RABGGTA: variants seen among roughly 807,000 people sequenced by gnomAD.
The protein encoded by RABGGTA is geranylgeranyl transferase type-2 subunit alpha.
A neutral mutation model predicts 83.3 loss-of-function variants in RABGGTA; 69 were observed. That is an observed-to-expected ratio of 0.83 (90% CI 0.68 to 1.01). The LOEUF is 1.01. Ranked by LOEUF, RABGGTA falls within the 50% of genes least tolerant of loss-of-function variation. The pLI is 0.00. For missense variants in RABGGTA, 681 were observed against 712.7 expected, an observed-to-expected ratio of 0.96 and a Z score of 0.51; for synonymous variants, 310 against 299.8, an observed-to-expected ratio of 1.03 and a Z score of -0.35.
At chr14:24,270,716 CA>C (rs1303802270) in intron 3 of RABGGTA, 120 bp downstream of exon 3, 12 of 1,390,824 alleles carry the variant, frequency 8.6e-6, no homozygotes, top group Non-Finnish European at 1.1e-5. Context: ...CAAAGTCATA[CA>C]GTTATAAGTG....
chr14:24,267,566 G>T (rs2040889188), intron 14 of RABGGTA, 94 bp downstream of exon 14: 1 of 940,820 alleles, frequency 1.1e-6, no homozygotes. Context: ...TTGATTGGAA[G>T]TCCACAAAGG....
intron 16 of RABGGTA, among the ~76,000 whole-genome samples, chr14:24,265,972 C>T (rs1219617859): frequency 6.6e-6 from 1 of 152,122 alleles, no homozygotes; most frequent in African/African-American, 2.4e-5. Context: ...CCCACGCAAG[C>T]TGGTGTAGTA....
Position 24,267,653 on chromosome 14 carries a change from C to A in RABGGTA, c.1353+7G>T. ...GGCCAGGGGAAGGCATGCATGGCAG[C>A]CCATACCTTGTGAGCCAGGTGCAGC... On this transcript the variant is annotated splice_region_variant and intron_variant, in intron 14 of 16. Coordinates refer to ENST00000216840, the MANE Select transcript of RABGGTA (RefSeq NM_182836.3). 1.2e-6 allele frequency: 2 copies of A among 1,606,246 alleles called. No individual in the cohort carries two copies. Among genetic ancestry groups the A allele is most frequent in the South Asian group, 1.1e-5 (1 of 90,028 alleles).
intron 6 of RABGGTA, 113 bp downstream of exon 6, chr14:24,269,378 G>A (rs1189557541): frequency 1.7e-5 from 22 of 1,287,122 alleles, no homozygotes; most frequent in Non-Finnish European, 2.2e-5. Context: ...CTGGAGCCAC[G>A]CATGAAGTAG....
intron 15 of RABGGTA, 101 bp from the exon 16 acceptor site, chr14:24,266,618 G>T: frequency 1.5e-6 from 2 of 1,294,142 alleles, no homozygotes; most frequent in Non-Finnish European, 2.2e-6. Context: ...GCACAGAGGG[G>T]CTCACAGGGT....
intron 5 of RABGGTA, 86 bp downstream of exon 5, chr14:24,269,867 C>T: frequency 1.3e-6 from 2 of 1,512,882 alleles, no homozygotes; most frequent in African/African-American, 1.4e-5. Context: ...TCCTGGATAT[C>T]CCTCCCCATT....
In RABGGTA at chr14:24,266,430, G is replaced by A. The variant is rs770094080; in HGVS notation, c.1555C>T (p.Arg519Cys). Residue 519 changes from arginine to cysteine, a missense_variant and splice_region_variant, in exon 16 of 17, where the codon CGC becomes TGC. Arg to Cys is a radical substitution (Grantham distance 180). Around this residue, in one of 5 missense-constraint regions of RABGGTA, gnomAD observed 421 missense variants for 418.5 expected, o/e 1.01. Coordinates refer to ENST00000216840, the MANE Select transcript of RABGGTA (RefSeq NM_182836.3). ...RLQELLLCNN[R>C]LQQPAVLQPL... ...GAAAGGCACCCAGAAGGAAGGATAC[G>A]GTTGTTGCACAGTAGCAGCTCCTGC... is the stretch of plus-strand genomic sequence containing the variant. 92 of 1,613,802 alleles carry A rather than the reference G, an allele frequency of 5.7e-5. No homozygotes were observed. Among genetic ancestry groups the A allele is most frequent in the Admixed American group, 3.2e-4 (19 of 60,010 alleles).
chr14:24,265,699 C>T lies in RABGGTA; in HGVS notation c.1620G>A (p.Leu540=). The change falls in exon 17 of 17, where the codon CTG becomes CTA. Residue 540 remains leucine, a synonymous_variant. Transcript: ENST00000216840. ...CCGCTTGGCACAGCGGGTTACCCTG[C>T]AGGTTGAGGAGGACCAGCCTGGGGC... The part of the protein sequence containing the change: ...ASCPRLVLLN[L]QGNPLCQAVG... 6.2e-7 allele frequency: 1 copy of T among 1,613,086 alleles called. No individual in the cohort carries two copies. Among genetic ancestry groups the T allele is most frequent in the Non-Finnish European group, 8.5e-7 (1 of 1,179,538 alleles).
rs761165482 is a variant in RABGGTA, at chr14:24,266,897, G to A, written c.1354-8C>T. The A allele has an allele frequency of 5.0e-6, 8 of 1,605,720 alleles. No individual in the cohort carries two copies. The highest frequency in any genetic ancestry group is 2.7e-5 in the African/African-American group (2 of 74,722). On this transcript the variant is annotated splice_polypyrimidine_tract_variant and splice_region_variant and intron_variant, in intron 14 of 16. Coordinates refer to ENST00000216840, the MANE Select transcript of RABGGTA (RefSeq NM_182836.3). ...GCAGAGCACTGTCAGATCCTGGGGG[G>A]TGAAGGGAGGAAGGAGGTGATGGGC...
chr14:24,266,239 C>A (rs1336128789), intron 16 of RABGGTA, among the ~76,000 whole-genome samples, 191 bp downstream of exon 16: 1 of 152,190 alleles, frequency 6.6e-6, no homozygotes, highest in Non-Finnish European at 1.5e-5. Flanking sequence ...GAAGTCCACT[C>A]CGCACAACTC....
At chr14:24,267,310 C>T (rs956749330) in intron 14 of RABGGTA, among the ~76,000 whole-genome samples, 1 of 152,124 alleles carries the variant, frequency 6.6e-6, no homozygotes, top group Non-Finnish European at 1.5e-5. Flanking sequence ...TCTCAGGAAT[C>T]TCTGGAAAGT....
chr14:24,270,981 T>C (rs775428396), intron 2 of RABGGTA, 34 bp from the exon 3 acceptor site: 1 of 1,609,536 alleles, frequency 6.2e-7, no homozygotes, highest in East Asian at 2.2e-5. Flanking sequence ...GAGTGCAGGT[T>C]GCCTTGCAGA....
At chr14:24,271,063 G>C (rs1444089316) in intron 2 of RABGGTA, 50 bp downstream of exon 2, 1 of 1,577,626 alleles carries the variant, frequency 6.3e-7, no homozygotes, top group Non-Finnish European at 8.6e-7. Flanking sequence ...TGCCACTGGG[G>C]GTGAGGGCGC....
In RABGGTA at chr14:24,265,779, C is replaced by G. The variant is rs1460869043; in HGVS notation, c.1556-16G>C. On this transcript the variant is annotated splice_polypyrimidine_tract_variant and intron_variant, in intron 16 of 16. Coordinates refer to ENST00000216840, the MANE Select transcript of RABGGTA (RefSeq NM_182836.3). ...TGCTGGAGGCCTTGTTCAGGAGAGT[C>G]AAGGAAAGCTTGGCAGGTTCCTCCC... is the stretch of plus-strand genomic sequence containing the variant. 1 of 1,592,338 alleles carries G rather than the reference C, an allele frequency of 6.3e-7. No homozygotes were observed.
chr14:24,269,949 G>T lies in RABGGTA; in HGVS notation c.427+4C>A, dbSNP rs372885681. The T allele has an allele frequency of 8.7e-6, 14 of 1,612,622 alleles. No homozygotes were observed. The highest frequency in any genetic ancestry group is 1.1e-5 in the Non-Finnish European group (13 of 1,179,622). On this transcript the variant is annotated splice_donor_region_variant and intron_variant, in intron 5 of 16. Transcript: ENST00000216840. Reference sequence around the variant, plus strand: ...CTGTGGGGACAGAATCTGCAGCCACGTACAGTTCCGCTCATCCACCTCCAG... The same window carrying T: ...CTGTGGGGACAGAATCTGCAGCCACTTACAGTTCCGCTCATCCACCTCCAG...
rs3825585 is a variant in RABGGTA, at chr14:24,270,961, C to A, written c.4-14G>T. ...CAGGCGTCCGTGCTACAAGGATGAA[C>A]GGGTTGGAAGAGTGCAGGTTGCCTT... On this transcript the variant is annotated splice_polypyrimidine_tract_variant and intron_variant, in intron 2 of 16. Coordinates refer to ENST00000216840, the MANE Select transcript of RABGGTA (RefSeq NM_182836.3). 164,018 of 1,612,454 alleles carry A rather than the reference C, an allele frequency of 0.1. 13,215 individuals are homozygous for A. The highest frequency in any genetic ancestry group is 0.48 in the East Asian group (21,526 of 44,828).
chr14:24,270,151 A>G lies in RABGGTA; in HGVS notation c.240-11T>C, dbSNP rs763154858. The stretch of plus-strand genomic sequence containing the variant: ...AACTCTTCAGGAGACCTGTACCCAG[A>G]AGGGAAGGGGGGGGTCAGGGCTCTC... On this transcript the variant is annotated splice_polypyrimidine_tract_variant and intron_variant, in intron 4 of 16. Coordinates refer to ENST00000216840, the MANE Select transcript of RABGGTA (RefSeq NM_182836.3). 1.5e-5 allele frequency: 24 copies of G among 1,596,356 alleles called. No individual in the cohort carries two copies. The highest frequency in any genetic ancestry group is 2.0e-5 in the Non-Finnish European group (24 of 1,172,284).
At chr14:24,271,268 G>T in intron 1 of RABGGTA, 99 bp from the exon 2 acceptor site, 2 of 976,556 alleles carry the variant, frequency 2.0e-6, no homozygotes, top group Non-Finnish European at 2.9e-6. Context: ...GACCCCCAGA[G>T]TGTAAAGAGG....
intron 6 of RABGGTA, 164 bp from the exon 7 acceptor site, chr14:24,269,327 A>G: frequency 9.4e-7 from 1 of 1,067,802 alleles, no homozygotes; most frequent in Non-Finnish European, 1.4e-6. Flanking sequence ...CCCATCAGAC[A>G]CTTAAGCTTC....
Sources: gnomAD v4.1 joint callset for allele counts (sites outside exome capture counted in the v4.1 genomes callset) on GRCh38, gnomAD v4.1.1 for gene constraint, gnomAD v4.1.1 regional missense constraint, MANE v1.5 for transcripts, NCBI Gene and HGNC (gene_info 2026-07-23, HGNC 2026-07-21) for gene names.